The following ERN1 variants were observed in gnomAD, a reference collection of about 807,000 sequenced individuals.
ERN1 encodes endoplasmic reticulum to nucleus signaling 1.
Under a neutral mutation model 113.1 loss-of-function variants are expected in ERN1, and 39 were observed. That is an observed-to-expected ratio of 0.34 (90% CI 0.27 to 0.45). ERN1 has a LOEUF of 0.45. ERN1 is among the 20% of genes least tolerant of loss of function. ERN1 has a pLI of 1.00. For missense variants in ERN1, 976 were observed against 1,274.8 expected (o/e 0.77, Z 3.57); for synonymous variants, 507 against 515.9 (o/e 0.98, Z 0.23).
intron 2 of ERN1, among the ~76,000 whole-genome samples, chr17:64,094,341 C>T (rs142774928): frequency 3.0e-4 from 45 of 152,104 alleles, no homozygotes; most frequent in Non-Finnish European, 5.9e-4. Context: ...AGCGTGTGTC[C>T]GAGCATTTAC....
In ERN1 at chr17:64,041,167, G is replaced by A. The variant is rs1339981147; in HGVS notation, c.*2821C>T. ...TGTCTCAAAAAAACAAAAAACAAAC[G>A]AAAAAACACTGAAATTAAAAAGACT... On this transcript the variant is annotated 3_prime_UTR_variant, in exon 22 of 22. Coordinates refer to ENST00000433197, the MANE Select transcript of ERN1 (RefSeq NM_001433.5). The A allele has an allele frequency of 3.9e-5, 6 of 152,108 alleles. No individual in the cohort carries two copies. The highest frequency in any genetic ancestry group is 1.2e-4 in the African/African-American group (5 of 41,486). 9.4% of individuals were successfully genotyped at this position (152,108 alleles called of 1,614,324 possible).
intron 7 of ERN1, 197 bp downstream of exon 7, chr17:64,067,993 T>C: frequency 1.9e-6 from 1 of 521,978 alleles, no homozygotes; most frequent in Non-Finnish European, 3.4e-6. Context: ...TTACTTCGGT[T>C]TCCCTTCAGA....
chr17:64,089,699 G>T (rs1171173102), intron 2 of ERN1, among the ~76,000 whole-genome samples: 1 of 152,164 alleles, frequency 6.6e-6, no homozygotes, highest in Non-Finnish European at 1.5e-5. Flanking sequence ...CCGAGCCGGG[G>T]TGGAGGGGAG....
Position 64,054,752 on chromosome 17 carries a change from G to A in ERN1, c.1749C>T (p.Gly583=). The A allele has an allele frequency of 1.2e-6, 2 of 1,607,558 alleles. No individual in the cohort carries two copies. The highest frequency in any genetic ancestry group is 3.4e-5 in the Admixed American group (2 of 59,322). ...AATCCACTCACCGGTACACAATTGT[G>A]CCCTCAGCTCCATGGCCCAGGACAT... ...PKDVLGHGAE[G]TIVYRGMFDN... is the part of the protein sequence containing the mutation. Residue 583 remains glycine (G), a synonymous_variant, in exon 14 of 22, where the codon GGC becomes GGT. Transcript: ENST00000433197. This position sits in a 1 kb window ranked among gnomAD's most constrained non-coding sequence, Gnocchi z 4.9.
chr17:64,045,416 C>T lies in ERN1; in HGVS notation c.2596G>A (p.Gly866Arg), dbSNP rs771751562. Reference sequence around the variant, plus strand: ...CAGTCCATCTTCACCACGGCTCTCCCGCCTCTCTCTAACTGCTTCACGATC... The same window carrying T: ...CAGTCCATCTTCACCACGGCTCTCCTGCCTCTCTCTAACTGCTTCACGATC... ...GPIVKQLERG[G>R]RAVVKMDWRE... Residue 866 changes from glycine (G) to arginine (R), a missense_variant, in exon 20 of 22, where the codon GGG becomes AGG. Gly to Arg is a moderately radical substitution (Grantham distance 125). This residue lies in a region of ERN1 where 297 missense variants were observed against 457.8 expected (regional missense o/e 0.65). Coordinates refer to ENST00000433197, the MANE Select transcript of ERN1 (RefSeq NM_001433.5). 9.3e-6 allele frequency: 15 copies of T among 1,613,990 alleles called. No homozygotes were observed. Among genetic ancestry groups the T allele is most frequent in the Middle Eastern group, 1.6e-4 (1 of 6,062 alleles).
chr17:64,064,265 A>T, intron 9 of ERN1, 114 bp from the exon 10 acceptor site: 1 of 1,199,934 alleles, frequency 8.3e-7, no homozygotes, highest in Non-Finnish European at 1.1e-6. Context: ...GGGCTAGTCC[A>T]GGACAGAGCA....
rs1182361931 is a variant in ERN1 at position 64,039,817 on chromosome 17, G to C, written c.*4171C>G. 6.6e-6 allele frequency: 1 copy of C among 152,254 alleles called. No homozygotes were observed. Among genetic ancestry groups the C allele is most frequent in the Non-Finnish European group, 1.5e-5 (1 of 68,082 alleles). 9.4% of individuals were successfully genotyped at this position (152,254 alleles called of 1,614,324 possible). A position where few individuals can be genotyped will look rare whatever the true frequency, so the allele number is the denominator to read the frequency against. On this transcript the variant is annotated 3_prime_UTR_variant, in exon 22 of 22. Coordinates refer to ENST00000433197, the MANE Select transcript of ERN1 (RefSeq NM_001433.5). ...CCAAACACACACACAGTACACAGGG[G>C]AGGTGGGGGGGCTTTGGCCAAAGTG...
At chr17:64,109,973 C>A (rs1914630996) in intron 1 of ERN1, among the ~76,000 whole-genome samples, 1 of 152,094 alleles carries the variant, frequency 6.6e-6, no homozygotes. Context: ...TTGGATGAGA[C>A]CAAAATGTAA....
At chr17:64,129,875 G>T in intron 1 of ERN1, 101 bp downstream of exon 1, 1 of 1,137,410 alleles carries the variant, frequency 8.8e-7, no homozygotes, top group Non-Finnish European at 1.1e-6. Flanking sequence ...CGCCGCCGTC[G>T]CGCTCCCAGC....
intron 1 of ERN1, among the ~76,000 whole-genome samples, chr17:64,126,984 C>T (rs914006027): frequency 3.3e-5 from 5 of 151,942 alleles, no homozygotes; most frequent in Admixed American, 2.6e-4. Context: ...AGATGTGGCA[C>T]CTAAATAACC....
At position 64,044,010 on chromosome 17, in the gene ERN1, G is replaced by T. The variant is rs551030753; in HGVS notation, c.2912C>A (p.Pro971Gln). The T allele has an allele frequency of 1.9e-6, 3 of 1,611,902 alleles. No individual in the cohort carries two copies. In the South Asian group the frequency reaches 3.3e-5, roughly 18 times the overall value. ...YFHEPPEPQPPVTPDAL is the reference protein window; with the variant it reads ...YFHEPPEPQPQVTPDAL ...CGCTCAGAGGGCGTCTGGAGTCACTGGGGGCTGGGGCTCTGGGGGCTCGTG... is the reference window on the plus strand; with the variant it reads ...CGCTCAGAGGGCGTCTGGAGTCACTTGGGGCTGGGGCTCTGGGGGCTCGTG... Residue 971 changes from proline to glutamine, a missense_variant, in exon 22 of 22, where the codon CCA (proline) becomes CAA (glutamine). Pro to Gln is a moderately conservative substitution (Grantham distance 76). Around this residue, in one of 5 missense-constraint regions of ERN1, gnomAD observed 92 missense variants for 87.3 expected, o/e 1.05. Transcript: ENST00000433197. This position sits in a 1 kb window ranked among gnomAD's most constrained non-coding sequence, Gnocchi z 4.1.
chr17:64,069,965 C>T (rs1033023128), intron 6 of ERN1, among the ~76,000 whole-genome samples: 22 of 152,280 alleles, frequency 1.4e-4, no homozygotes, highest in Middle Eastern at 3.4e-3. Context: ...CAATTCTTCC[C>T]ATTCCTGTAA....
At chr17:64,120,732 C>T (rs761686434) in intron 1 of ERN1, among the ~76,000 whole-genome samples, 3 of 152,124 alleles carry the variant, frequency 2.0e-5, no homozygotes, top group Non-Finnish European at 4.4e-5. Context: ...GAACACTACA[C>T]ACTATGGGTC....
chr17:64,118,773 G>A (rs548830528), intron 1 of ERN1, among the ~76,000 whole-genome samples: 5 of 152,274 alleles, frequency 3.3e-5, no homozygotes, highest in South Asian at 2.1e-4. Flanking sequence ...TTGTCAGCTC[G>A]GCACCTGCTA....
chr17:64,123,052 C>T (rs1373482631), intron 1 of ERN1, among the ~76,000 whole-genome samples: 1 of 151,778 alleles, frequency 6.6e-6, no homozygotes, highest in African/African-American at 2.4e-5. Flanking sequence ...GGTAGATAAT[C>T]CCAGCAAAAG....
At chr17:64,068,935 T>C (rs1399704646) in intron 6 of ERN1, among the ~76,000 whole-genome samples, 1 of 152,188 alleles carries the variant, frequency 6.6e-6, no homozygotes, top group Non-Finnish European at 1.5e-5. Flanking sequence ...TAGCTGTCTA[T>C]GATATATTGT....
chr17:64,083,320 T>C (rs1171403638), intron 2 of ERN1, among the ~76,000 whole-genome samples: 3 of 151,944 alleles, frequency 2.0e-5, no homozygotes, highest in East Asian at 3.8e-4. Flanking sequence ...TATCTGAAAA[T>C]GTGCACTAAA....
At chr17:64,089,490 G>A (rs759729347) in intron 2 of ERN1, among the ~76,000 whole-genome samples, 6 of 152,130 alleles carry the variant, frequency 3.9e-5, no homozygotes, top group Non-Finnish European at 7.3e-5. Context: ...GATTTGAGAT[G>A]TTCAACTGGT....
At chr17:64,119,382 T>TTC (rs1914895178) in intron 1 of ERN1, among the ~76,000 whole-genome samples, 1 of 120,566 alleles carries the variant, frequency 8.3e-6, no homozygotes, top group Non-Finnish European at 1.6e-5. Flanking sequence ...CTAGGTTTTT[T>TTC]TTTTTTTTTT....
Sources: allele counts gnomAD v4.1 joint callset (sites outside exome capture counted in the v4.1 genomes callset), GRCh38; gene constraint gnomAD v4.1.1; regional missense constraint gnomAD v4.1.1; non-coding constraint Gnocchi (gnomAD v3.1); transcripts MANE v1.5; gene names NCBI Gene and HGNC (gene_info 2026-07-23, HGNC 2026-07-21).